AFF2: variants seen among roughly 807,000 people sequenced by gnomAD.
The protein encoded by AFF2 is AF4/FMR2 family member 2.
In AFF2, 14 loss-of-function variants were observed where a neutral mutation model predicts 76.9. The observed-to-expected ratio is 0.18, with a 90% CI of 0.12 to 0.28. AFF2 has a LOEUF of 0.28. Among genes scored for constraint, AFF2 ranks in the 10% least tolerant of loss-of-function variants. The probability of loss-of-function intolerance (pLI) is 1.00; values close to 1 mark genes in which losing one functional copy is unlikely to be tolerated. For synonymous variants in AFF2, 398 were observed against 366.7 expected (o/e 1.09, Z -0.98); for missense variants, 868 against 1,001.1 (o/e 0.87, Z 1.79).
chrX:148,787,108 A>T (rs2069830979), intron 3 of AFF2, among the ~76,000 whole-genome samples: 1 of 112,593 alleles, frequency 8.9e-6, no homozygotes, highest in African/African-American at 3.2e-5. Flanking sequence ...TGTAGGAGTG[A>T]TTGAAACCTA....
intron 3 of AFF2, among the ~76,000 whole-genome samples, chrX:148,805,318 A>G (rs1222667806): frequency 4.5e-5 from 5 of 111,605 alleles, no homozygotes; most frequent in Non-Finnish European, 9.4e-5. Flanking sequence ...CTAGTGGACT[A>G]TGATTGCCAG....
intron 4 of AFF2, among the ~76,000 whole-genome samples, chrX:148,824,883 G>C (rs2070369420): frequency 9.0e-6 from 1 of 111,059 alleles, no homozygotes; most frequent in Non-Finnish European, 1.9e-5. Flanking sequence ...ATAAAAATAA[G>C]TTAATTGGCT....
chrX:148,962,416 A>G (rs2072119963), intron 12 of AFF2, among the ~76,000 whole-genome samples: 1 of 111,996 alleles, frequency 8.9e-6, no homozygotes, highest in Admixed American at 9.5e-5. Context: ...AAAGTTGAAA[A>G]TATCCTACTG....
intron 3 of AFF2, among the ~76,000 whole-genome samples, chrX:148,709,227 T>G (rs1230358804): frequency 1.8e-5 from 2 of 111,991 alleles, no homozygotes; most frequent in Non-Finnish European, 3.8e-5. Context: ...AAAAAAATTT[T>G]TTTAGGCTAA....
chrX:148,656,032 C>T (rs1557257039), intron 2 of AFF2, among the ~76,000 whole-genome samples: 1 of 111,993 alleles, frequency 8.9e-6, no homozygotes, highest in African/African-American at 3.3e-5. Context: ...ATAAATTAGC[C>T]AACATGAACA....
intron 3 of AFF2, among the ~76,000 whole-genome samples, chrX:148,724,071 C>T (rs146644543): frequency 0.013 from 1,441 of 109,407 alleles, 9 homozygotes; most frequent in Non-Finnish European, 0.02. Flanking sequence ...GCCACTTCTT[C>T]CCATCCCGTT....
intron 3 of AFF2, among the ~76,000 whole-genome samples, chrX:148,700,419 A>AGTGTGTGTGTGT (rs368077947): frequency 3.1e-3 from 254 of 82,490 alleles, no homozygotes; most frequent in Middle Eastern, 0.012. Flanking sequence ...GTACTGTTGA[A>AGTGTGTGTGTGT]GTGTGTGTGT....
At chrX:148,706,751 A>G (rs782190326) in intron 3 of AFF2, among the ~76,000 whole-genome samples, 22 of 112,900 alleles carry the variant, frequency 1.9e-4, no homozygotes, top group Non-Finnish European at 3.4e-4. Flanking sequence ...AGGATGTTCC[A>G]TAGTTCATGA....
intron 1 of AFF2, among the ~76,000 whole-genome samples, chrX:148,577,222 G>A (rs782420226): frequency 3.6e-5 from 4 of 111,481 alleles, no homozygotes; most frequent in Non-Finnish European, 7.6e-5. Flanking sequence ...TGTATATATG[G>A]TTCTTTTATT....
At chrX:148,957,308 C>G (rs2072053367) in intron 11 of AFF2, among the ~76,000 whole-genome samples, 1 of 111,229 alleles carries the variant, frequency 9.0e-6, no homozygotes, top group Admixed American at 9.6e-5. Context: ...GGTTCCAAGT[C>G]CTTTCTTCAT....
chrX:148,586,107 A>G (rs2053466946), intron 1 of AFF2, among the ~76,000 whole-genome samples: 1 of 111,113 alleles, frequency 9.0e-6, no homozygotes, highest in African/African-American at 3.3e-5. Context: ...TATTATCCTC[A>G]ATTTACTGGT....
At chrX:148,897,433 G>A (rs980784463) in intron 8 of AFF2, among the ~76,000 whole-genome samples, 1 of 102,227 alleles carries the variant, frequency 9.8e-6, no homozygotes, top group South Asian at 4.6e-4. Context: ...TTTTACTCTA[G>A]CTTTCTAATT....
chrX:148,961,229 C>A (rs1603349491), intron 12 of AFF2, among the ~76,000 whole-genome samples: 1 of 112,072 alleles, frequency 8.9e-6, no homozygotes, highest in African/African-American at 3.2e-5. Flanking sequence ...CCACCATTCA[C>A]CTCCTGTAGA....
chrX:148,627,781 A>G (rs2053941432), intron 1 of AFF2, among the ~76,000 whole-genome samples: 1 of 104,465 alleles, frequency 9.6e-6, no homozygotes, highest in Admixed American at 1.0e-4. Context: ...GCAACACAGG[A>G]CAAGGAGCAA....
intron 1 of AFF2, among the ~76,000 whole-genome samples, chrX:148,551,505 A>AG (rs1446858672): frequency 1.2e-4 from 13 of 106,833 alleles, no homozygotes; most frequent in African/African-American, 4.5e-4. Context: ...AAAAAAAAAA[A>AG]AAAAGAAGAA....
intron 4 of AFF2, among the ~76,000 whole-genome samples, chrX:148,820,815 A>G (rs1279117671): frequency 8.9e-6 from 1 of 112,157 alleles, no homozygotes; most frequent in Admixed American, 9.5e-5. Context: ...AAATGAAAAA[A>G]CAATTTAAGA....
intron 3 of AFF2, among the ~76,000 whole-genome samples, chrX:148,667,579 C>G (rs1383560411): frequency 1.8e-5 from 2 of 111,842 alleles, no homozygotes; most frequent in Admixed American, 1.9e-4. Flanking sequence ...GGAGGCCTCA[C>G]AATCATGGTG....
intron 9 of AFF2, among the ~76,000 whole-genome samples, chrX:148,926,659 C>T (rs934234067): frequency 8.9e-6 from 1 of 112,027 alleles, no homozygotes; most frequent in Non-Finnish European, 1.9e-5. Flanking sequence ...GATATGTTGT[C>T]GGTCAAGTCC....
At chrX:148,715,824 A>G (rs2055019472) in intron 3 of AFF2, among the ~76,000 whole-genome samples, 1 of 111,923 alleles carries the variant, frequency 8.9e-6, no homozygotes, top group South Asian at 3.7e-4. Context: ...ACAGGAAATG[A>G]TGATCCCATA....
Sources: allele counts gnomAD v4.1 joint callset (sites outside exome capture counted in the v4.1 genomes callset), GRCh38; gene constraint gnomAD v4.1.1; transcripts MANE v1.5; gene names NCBI Gene and HGNC (gene_info 2026-07-23, HGNC 2026-07-21).